The following HPSE2 variants were observed in gnomAD, a reference collection of about 807,000 sequenced individuals.
HPSE2 encodes inactive heparanase-2.
A neutral mutation model predicts 60.5 loss-of-function variants in HPSE2; 38 were observed. The ratio of observed to expected loss-of-function variants is 0.63; its 90% CI spans 0.48 to 0.82. HPSE2 has a LOEUF of 0.82. HPSE2 is among the 40% of genes least tolerant of loss of function. The pLI, the probability that HPSE2 is intolerant of heterozygous loss-of-function variation, is 0.00. For missense variants in HPSE2, 713 were observed against 740.4 expected (o/e 0.96, Z 0.43); for synonymous variants, 295 against 293.2 (o/e 1.01, Z -0.06).
At chr10:98,850,516 C>T (rs1279610884) in intron 3 of HPSE2, among the ~76,000 whole-genome samples, 1 of 152,020 alleles carries the variant, frequency 6.6e-6, no homozygotes, top group Non-Finnish European at 1.5e-5. Flanking sequence ...GCGGGCAGAT[C>T]ACGAGGTTAG....
At chr10:98,926,958 C>T (rs2135090929) in intron 3 of HPSE2, among the ~76,000 whole-genome samples, 1 of 152,280 alleles carries the variant, frequency 6.6e-6, no homozygotes, top group East Asian at 1.9e-4. Context: ...AGTTCGATTG[C>T]ACTGGGGTCT....
chr10:99,071,576 T>C (rs1036137115), intron 3 of HPSE2, among the ~76,000 whole-genome samples: 5 of 152,224 alleles, frequency 3.3e-5, no homozygotes, highest in Admixed American at 1.3e-4. Flanking sequence ...TTATAAGTAA[T>C]GTTTTTAAGC....
At chr10:98,939,085 G>A (rs1181099725) in intron 3 of HPSE2, among the ~76,000 whole-genome samples, 2 of 143,876 alleles carry the variant, frequency 1.4e-5, no homozygotes, top group Non-Finnish European at 3.0e-5. Context: ...CCTGAAGGAA[G>A]CACTAAACAT....
At chr10:98,779,355 G>C (rs1393771803) in intron 3 of HPSE2, among the ~76,000 whole-genome samples, 1 of 152,076 alleles carries the variant, frequency 6.6e-6, no homozygotes, top group Admixed American at 6.6e-5. Flanking sequence ...ATGGACACTT[G>C]GGTGGGGTGG....
chr10:98,497,479 C>T (rs911650920), intron 9 of HPSE2, among the ~76,000 whole-genome samples: 2 of 152,094 alleles, frequency 1.3e-5, no homozygotes, highest in Non-Finnish European at 2.9e-5. Flanking sequence ...ACTGAACTCT[C>T]AATTTTTAAT....
intron 3 of HPSE2, among the ~76,000 whole-genome samples, chr10:98,870,617 G>A (rs532927429): frequency 6.6e-6 from 1 of 152,254 alleles, no homozygotes; most frequent in Non-Finnish European, 1.5e-5. Context: ...AATAAAGCCT[G>A]TACAAGTACA....
At chr10:98,834,223 C>T (rs1329897835) in intron 3 of HPSE2, among the ~76,000 whole-genome samples, 1 of 151,916 alleles carries the variant, frequency 6.6e-6, no homozygotes, top group Non-Finnish European at 1.5e-5. Flanking sequence ...AAAGATGGGA[C>T]AAAATAAGCT....
At chr10:98,997,574 A>G (rs925231939) in intron 3 of HPSE2, among the ~76,000 whole-genome samples, 9 of 152,344 alleles carry the variant, frequency 5.9e-5, no homozygotes, top group African/African-American at 2.2e-4. Context: ...AGGGACTGCA[A>G]TATTTCCAGC....
chr10:98,742,923 T>A (rs1340646475), intron 4 of HPSE2, among the ~76,000 whole-genome samples: 1 of 151,886 alleles, frequency 6.6e-6, no homozygotes, highest in Non-Finnish European at 1.5e-5. Context: ...AGATGGTGAC[T>A]GCAGAGAATG....
chr10:98,868,990 C>T (rs1446265553), intron 3 of HPSE2, among the ~76,000 whole-genome samples: 1 of 151,586 alleles, frequency 6.6e-6, no homozygotes, highest in Non-Finnish European at 1.5e-5. Flanking sequence ...TTTGTGGTGC[C>T]CAATTGCATG....
chr10:98,758,095 T>C (rs1949919794), intron 3 of HPSE2, among the ~76,000 whole-genome samples: 1 of 152,108 alleles, frequency 6.6e-6, no homozygotes, highest in Non-Finnish European at 1.5e-5. Context: ...AGGAAAAGAC[T>C]GCCTATTCAA....
intron 3 of HPSE2, among the ~76,000 whole-genome samples, chr10:98,837,464 C>T (rs1951815162): frequency 6.6e-6 from 1 of 152,168 alleles, no homozygotes; most frequent in Admixed American, 6.5e-5. Flanking sequence ...CCCCTTGGAA[C>T]TATTACTGTT....
intron 2 of HPSE2, among the ~76,000 whole-genome samples, chr10:99,228,557 G>A (rs1849546430): frequency 6.6e-6 from 1 of 152,148 alleles, no homozygotes; most frequent in South Asian, 2.1e-4. Context: ...TCCTTGTTGA[G>A]AGCAGGTAAA....
chr10:98,827,979 G>A (rs1459832565), intron 3 of HPSE2, among the ~76,000 whole-genome samples: 2 of 152,160 alleles, frequency 1.3e-5, no homozygotes, highest in Non-Finnish European at 2.9e-5. Context: ...TCAGTTGAAA[G>A]CTTCAATTTG....
At chr10:99,093,386 T>C (rs965656326) in intron 3 of HPSE2, among the ~76,000 whole-genome samples, 2 of 152,100 alleles carry the variant, frequency 1.3e-5, no homozygotes, top group Non-Finnish European at 2.9e-5. Context: ...AAATTTTGAA[T>C]AAATTTTTAC....
At chr10:99,132,247 G>A (rs1418094779) in intron 3 of HPSE2, among the ~76,000 whole-genome samples, 1 of 131,364 alleles carries the variant, frequency 7.6e-6, no homozygotes, top group Non-Finnish European at 1.7e-5. Context: ...GAGAGAGAAA[G>A]AAAGAAAGAA....
At chr10:98,470,469 G>A (rs1372107239) in intron 11 of HPSE2, among the ~76,000 whole-genome samples, 1 of 152,200 alleles carries the variant, frequency 6.6e-6, no homozygotes, top group Non-Finnish European at 1.5e-5. Flanking sequence ...TCCTGCCCTG[G>A]GCTTCCTGAT....
chr10:99,154,419 C>T (rs1333413264), intron 2 of HPSE2, among the ~76,000 whole-genome samples: 1 of 65,156 alleles, frequency 1.5e-5, no homozygotes, highest in African/African-American at 3.8e-5. Context: ...AGAAACCCTA[C>T]AAGCCAGAAG....
At chr10:98,830,446 A>G (rs1312122118) in intron 3 of HPSE2, among the ~76,000 whole-genome samples, 1 of 152,190 alleles carries the variant, frequency 6.6e-6, no homozygotes, top group Non-Finnish European at 1.5e-5. Context: ...TAATGGGCAA[A>G]GGACACCTAT....
Sources: allele counts gnomAD v4.1 joint callset (sites outside exome capture counted in the v4.1 genomes callset), GRCh38; gene constraint gnomAD v4.1.1; transcripts MANE v1.5; gene names NCBI Gene and HGNC (gene_info 2026-07-23, HGNC 2026-07-21).